FREM1: variants seen among roughly 807,000 people sequenced by gnomAD.
FREM1 encodes FRAS1 related extracellular matrix 1.
FREM1 carries 220 observed loss-of-function variants against 210.1 expected under a neutral mutation model. The ratio of observed to expected loss-of-function variants is 1.05; its 90% CI spans 0.94 to 1.17. FREM1 has a LOEUF of 1.17. FREM1 is among the 50% of genes most tolerant of loss of function. The pLI is 0.00. For synonymous variants in FREM1, 1,189 were observed against 980.2 expected (o/e 1.21, Z -3.98); for missense variants, 3,454 against 2,675.5 (o/e 1.29, Z -6.42).
intron 27 of FREM1, among the ~76,000 whole-genome samples, chr9:14,768,133 G>A (rs1014144793): frequency 5.9e-5 from 9 of 152,152 alleles, no homozygotes; most frequent in African/African-American, 1.7e-4. Flanking sequence ...AGCAGTATCA[G>A]CCTAGCATCA....
chr9:14,742,058 T>C (rs552637258), intron 35 of FREM1, among the ~76,000 whole-genome samples: 5 of 152,250 alleles, frequency 3.3e-5, no homozygotes, highest in Non-Finnish European at 5.9e-5. Context: ...GGTATTCATA[T>C]GTTTATTATT....
chr9:14,842,071 G>T (rs898697803), intron 9 of FREM1, among the ~76,000 whole-genome samples: 1 of 152,046 alleles, frequency 6.6e-6, no homozygotes, highest in African/African-American at 2.4e-5. Context: ...ATAGTGTAAT[G>T]GTTACTTTGA....
rs773802380 is a variant in FREM1, at chr9:14,808,009, A to G, written c.3019T>C (p.Ser1007Pro). The change falls in exon 17 of 37, where the codon TCC becomes CCC. Residue 1007 changes from serine (S) to proline (P), a missense_variant. By Grantham distance (74) the Ser-to-Pro change is moderately conservative. Transcript: ENST00000380880. ...GPNPSVPLHA[S>P]FPVYDLNITV... ...ATGTTGAGATCATACACTGGAAAGG[A>G]CGCATGAAGTGGAACAGATGGATTG... 6.2e-7 allele frequency: 1 copy of G among 1,613,888 alleles called. No individual in the cohort carries two copies. Among genetic ancestry groups the G allele is most frequent in the Admixed American group, 1.7e-5 (1 of 60,020 alleles).
At position 14,770,640 on chromosome 9, in the gene FREM1, C is replaced by T. The variant is rs778585397; in HGVS notation, c.5024G>A (p.Gly1675Asp). Residue 1675 changes from glycine (G) to aspartate (D), a missense_variant, in exon 26 of 37, where the codon GGC becomes GAC. By Grantham distance (94) the Gly-to-Asp change is moderately conservative. Coordinates refer to ENST00000380880, the MANE Select transcript of FREM1 (RefSeq NM_001379081.2). The stretch of plus-strand genomic sequence containing the variant: ...GTTCTCCAGATGTCCATGTTTTGGG[C>T]CTTGTAGAATTTTAAAGATGATCTG... ...DDQIIFKILQ[G>D]PKHGHLENTT... is the part of the protein sequence containing the mutation. The T allele has an allele frequency of 1.9e-6, 3 of 1,613,356 alleles. No homozygotes were observed. The South Asian group carries it at 3.3e-5, about 18-fold the overall frequency.
In FREM1 at chr9:14,770,707, A is replaced by G. The variant is rs754506941; in HGVS notation, c.4957T>C (p.Ser1653Pro). 6.2e-6 allele frequency: 10 copies of G among 1,613,326 alleles called. No homozygotes were observed. Among genetic ancestry groups the G allele is most frequent in the Non-Finnish European group, 8.5e-6 (10 of 1,179,420 alleles). ...KNGCYGIYIT[S>P]RVLKASDPDT... ...GGGTCTGATGCCTTCAACACGCGGG[A>G]AGTGATGTAAATCCCGTAGCAGCCA... The change falls in exon 26 of 37, where the codon TCC becomes CCC. Residue 1653 changes from serine to proline, a missense_variant. Physicochemically the swap from Ser to Pro is moderately conservative, Grantham distance 74. Coordinates refer to ENST00000380880, the MANE Select transcript of FREM1 (RefSeq NM_001379081.2).
intron 10 of FREM1, 149 bp from the exon 11 acceptor site, chr9:14,825,141 T>C: frequency 1.8e-6 from 1 of 567,226 alleles, no homozygotes; most frequent in Admixed American, 3.8e-5. Flanking sequence ...CTATTAAGAA[T>C]ATGAGCCAAA....
intron 22 of FREM1, among the ~76,000 whole-genome samples, chr9:14,791,770 C>G (rs1252716306): frequency 1.3e-5 from 2 of 152,180 alleles, no homozygotes; most frequent in African/African-American, 4.8e-5. Flanking sequence ...GAAAGATGCT[C>G]ACTGTGGCAA....
At position 14,825,547 on chromosome 9, in the gene FREM1, G is replaced by GTGTGTGTATATATATA; in HGVS notation, c.1882-556_1882-555insTATATATATACACACA. Among the ~76,000 whole-genome samples, 107 of 75,880 alleles carry GTGTGTGTATATATATA rather than the reference G, an allele frequency of 1.4e-3. 1 individual carries two copies. The highest frequency in any genetic ancestry group is 2.4e-3 in the Admixed American group (16 of 6,600). The allele number at this position is 75,880 out of a possible 152,430, so 49.8% of individuals were successfully genotyped here. A position where few individuals can be genotyped will look rare whatever the true frequency, so the allele number is the denominator to read the frequency against. The stretch of plus-strand genomic sequence containing the variant: ...CATATATATATATATGTGTGTGTGT[G>GTGTGTGTATATATATA]TATATATATATATATATATATATAC... On this transcript the variant is annotated intron_variant, in intron 10 of 36. Coordinates refer to ENST00000380880, the MANE Select transcript of FREM1 (RefSeq NM_001379081.2).
chr9:14,813,684 A>G (rs748055942), intron 15 of FREM1, among the ~76,000 whole-genome samples: 12 of 152,232 alleles, frequency 7.9e-5, no homozygotes, highest in Non-Finnish European at 1.3e-4. Context: ...AGTAAAAAGG[A>G]AAGAAAAGCG....
chr9:14,764,065 C>T (rs1437643399), intron 27 of FREM1, among the ~76,000 whole-genome samples: 18 of 152,154 alleles, frequency 1.2e-4, no homozygotes, highest in Admixed American at 1.1e-3. Flanking sequence ...TGGGAGATAA[C>T]TGAATCATGG....
intron 1 of FREM1, among the ~76,000 whole-genome samples, chr9:14,872,581 G>A (rs1241473562): frequency 2.0e-5 from 3 of 152,016 alleles, no homozygotes; most frequent in Non-Finnish European, 4.4e-5. Context: ...GAGACAATGG[G>A]GTTTTCTAGA....
At chr9:14,789,141 G>C (rs754642847) in intron 22 of FREM1, 27 bp from the exon 23 acceptor site, 10 of 1,492,534 alleles carry the variant, frequency 6.7e-6, no homozygotes, top group Admixed American at 4.1e-5. Context: ...TTAGTCAGCT[G>C]CTCATGGTTT....
chr9:14,872,809 C>A (rs1712306715), intron 1 of FREM1, among the ~76,000 whole-genome samples: 1 of 151,936 alleles, frequency 6.6e-6, no homozygotes, highest in Non-Finnish European at 1.5e-5. Flanking sequence ...GTGGGTTTGT[C>A]ATAGATAGCT....
At chr9:14,739,740 TTAA>T (rs1358324646) in intron 36 of FREM1, among the ~76,000 whole-genome samples, 4 of 151,798 alleles carry the variant, frequency 2.6e-5, no homozygotes, top group African/African-American at 9.7e-5. Context: ...GTTAAATGAA[TTAA>T]TAAACGTAAG....
chr9:14,874,515 G>T (rs1323031630), intron 1 of FREM1, among the ~76,000 whole-genome samples: 2 of 149,626 alleles, frequency 1.3e-5, no homozygotes, highest in Admixed American at 6.7e-5. Flanking sequence ...TTTTCCATTT[G>T]CTTGGTAGAT....
chr9:14,805,703 T>A (rs1329530840), intron 18 of FREM1, among the ~76,000 whole-genome samples: 1 of 152,232 alleles, frequency 6.6e-6, no homozygotes, highest in Non-Finnish European at 1.5e-5. Flanking sequence ...AAAAGCTGAG[T>A]AACATTGAAT....
chr9:14,760,447 T>C (rs954223539), intron 27 of FREM1, among the ~76,000 whole-genome samples: 3 of 152,196 alleles, frequency 2.0e-5, no homozygotes, highest in African/African-American at 7.2e-5. Flanking sequence ...TATTTGTTTC[T>C]CTTTCTGTGC....
At chr9:14,872,922 A>G (rs1437826251) in intron 1 of FREM1, among the ~76,000 whole-genome samples, 1 of 150,530 alleles carries the variant, frequency 6.6e-6, no homozygotes, top group Non-Finnish European at 1.5e-5. Context: ...ATCTATTGAG[A>G]TAATCATGTG....
At chr9:14,886,826 G>C (rs1404622194) in intron 1 of FREM1, among the ~76,000 whole-genome samples, 1 of 144,454 alleles carries the variant, frequency 6.9e-6, no homozygotes, top group African/African-American at 2.5e-5. Context: ...TGAGCCTGGA[G>C]ATCGAGGTTG....
Sources: gnomAD v4.1 joint callset for allele counts (sites outside exome capture counted in the v4.1 genomes callset) on GRCh38, gnomAD v4.1.1 for gene constraint, MANE v1.5 for transcripts, NCBI Gene and HGNC (gene_info 2026-07-23, HGNC 2026-07-21) for gene names.